Variants in CALD1 observed in about 807,000 individuals in gnomAD.
The protein encoded by CALD1 is caldesmon 1.
A neutral mutation model predicts 99.9 loss-of-function variants in CALD1; 33 were observed. The ratio of observed to expected loss-of-function variants is 0.33; its 90% confidence interval spans 0.25 to 0.44. The LOEUF (loss-of-function observed/expected upper bound fraction) is 0.44, where lower values mean the gene tolerates loss of function less well. CALD1 is among the 20% of genes least tolerant of loss of function. The pLI, the probability that CALD1 is intolerant of heterozygous loss-of-function variation, is 1.00. For missense variants in CALD1, 861 were observed against 962.1 expected (o/e 0.89, Z 1.39); for synonymous variants, 310 against 325.0 (o/e 0.95, Z 0.50).
At chr7:134,711,660 C>CTCTCTA in the CALD1 span, among the ~76,000 whole-genome samples, 269 of 78,176 alleles carry the variant, frequency 3.4e-3, 2 homozygotes, top group Middle Eastern at 0.011. Context: ...CTCTCTCTCT[C>CTCTCTA]TATATATATA....
chr7:134,797,107 C>G (rs28452695), intron 1 of CALD1, among the ~76,000 whole-genome samples: 6,483 of 152,172 alleles, frequency 0.043, 446 homozygotes, highest in African/African-American at 0.14. Context: ...TCACGGTAGC[C>G]TCAGCCTCCC....
At chr7:134,869,746 G>T (rs868168815) in intron 3 of CALD1, among the ~76,000 whole-genome samples, 5 of 152,152 alleles carry the variant, frequency 3.3e-5, no homozygotes, top group Non-Finnish European at 7.3e-5. Flanking sequence ...GTTCAAAAAG[G>T]GAGAGAAATT....
intron 3 of CALD1, among the ~76,000 whole-genome samples, chr7:134,911,638 A>AT (rs1401936758): frequency 6.6e-6 from 1 of 152,140 alleles, no homozygotes; most frequent in Non-Finnish European, 1.5e-5. Context: ...TGGCCTTTCC[A>AT]TGTTCTGATT....
chr7:134,865,368 C>T (rs3800748), intron 2 of CALD1, among the ~76,000 whole-genome samples: 31,442 of 151,826 alleles, frequency 0.21, 4,086 homozygotes, highest in African/African-American at 0.37. Context: ...CACACACCAC[C>T]GAGAGTCATA....
At chr7:134,841,224 T>C (rs1219683159) in intron 1 of CALD1, among the ~76,000 whole-genome samples, 1 of 152,218 alleles carries the variant, frequency 6.6e-6, no homozygotes, top group Non-Finnish European at 1.5e-5. Flanking sequence ...AATTCACTTG[T>C]TAGTATTTAT....
intron 1 of CALD1, among the ~76,000 whole-genome samples, chr7:134,833,559 G>C (rs2132090867): frequency 6.6e-6 from 1 of 152,240 alleles, no homozygotes; most frequent in Admixed American, 6.5e-5. Flanking sequence ...GTGTAGCCCT[G>C]GGAAGAAGGG....
intron 1 of CALD1, among the ~76,000 whole-genome samples, chr7:134,774,065 G>A (rs532440065): frequency 5.9e-5 from 9 of 152,136 alleles, no homozygotes; most frequent in African/African-American, 1.9e-4. Flanking sequence ...AGCTACTTGG[G>A]AGGGTGAGGC....
chr7:134,895,829 A>G (rs1181715023), intron 3 of CALD1, among the ~76,000 whole-genome samples: 1 of 152,184 alleles, frequency 6.6e-6, no homozygotes, highest in African/African-American at 2.4e-5. Flanking sequence ...TCTTGATTTC[A>G]AAGTTTAACT....
chr7:134,958,191 A>G lies in CALD1; in HGVS notation c.1980-18A>G. On this transcript the variant is annotated intron_variant, in intron 10 of 14. Coordinates refer to ENST00000361675, the MANE Select transcript of CALD1 (RefSeq NM_033138.4). ...GATTCTCTCTCATATTTTTATATGTATGTGTTTACTTTTTTAGCAGTGGTG... is the reference window on the plus strand; with the variant it reads ...GATTCTCTCTCATATTTTTATATGTGTGTGTTTACTTTTTTAGCAGTGGTG... The G allele has an allele frequency of 6.2e-7, 1 of 1,612,522 alleles. No individual in the cohort carries two copies. The highest frequency in any genetic ancestry group is 8.5e-7 in the Non-Finnish European group (1 of 1,178,626).
chr7:134,917,640 A>G (rs1283258696), intron 3 of CALD1, among the ~76,000 whole-genome samples: 5 of 152,190 alleles, frequency 3.3e-5, no homozygotes, highest in Non-Finnish European at 7.4e-5. Flanking sequence ...ATGAGCCAGC[A>G]CACCAGGCCT....
chr7:134,943,151 GGA>G (rs959234145), intron 7 of CALD1, among the ~76,000 whole-genome samples: 11 of 152,270 alleles, frequency 7.2e-5, no homozygotes, highest in Admixed American at 6.5e-4. Flanking sequence ...TATAAAATGA[GGA>G]GAGAGGAAGA....
chr7:134,840,803 AC>A (rs1799620737), intron 1 of CALD1, among the ~76,000 whole-genome samples: 1 of 152,240 alleles, frequency 6.6e-6, no homozygotes, highest in Admixed American at 6.5e-5. Flanking sequence ...ATAATAAAAA[AC>A]AACTAGTTTC....
At chr7:134,808,277 T>A (rs1798225717) in intron 1 of CALD1, among the ~76,000 whole-genome samples, 1 of 151,276 alleles carries the variant, frequency 6.6e-6, no homozygotes, top group African/African-American at 2.4e-5. Flanking sequence ...ATTTTTTTTT[T>A]AATTACTTTT....
chr7:134,959,228 T>C (rs1431826615), intron 11 of CALD1, among the ~76,000 whole-genome samples: 1 of 152,098 alleles, frequency 6.6e-6, no homozygotes, highest in Non-Finnish European at 1.5e-5. Context: ...TTGCCCAAGC[T>C]AGAGTGCAAT....
chr7:134,932,968 T>G lies in CALD1; in HGVS notation c.219-20T>G, dbSNP rs550549442. The G allele has an allele frequency of 3.5e-5, 54 of 1,541,992 alleles. No individual in the cohort carries two copies. Among genetic ancestry groups the G allele is most frequent in the Middle Eastern group, 3.5e-4 (2 of 5,796 alleles). ...ATGAATGAGCAAGCTGTCTTTGGTG[T>G]TGTTCTTTCTGTTGTACAGTGTGCC... On this transcript the variant is annotated intron_variant, in intron 4 of 14. Coordinates refer to ENST00000361675, the MANE Select transcript of CALD1 (RefSeq NM_033138.4).
upstream of CALD1, among the ~76,000 whole-genome samples, chr7:134,774,873 A>G (rs1562993442): frequency 6.6e-6 from 1 of 152,144 alleles, no homozygotes; most frequent in Non-Finnish European, 1.5e-5. Context: ...GGATTTATTT[A>G]TGATTTTTTT....
intron 1 of CALD1, among the ~76,000 whole-genome samples, chr7:134,780,722 T>C (rs950774201): frequency 6.6e-6 from 1 of 152,060 alleles, no homozygotes; most frequent in African/African-American, 2.4e-5. Context: ...TCAAAAAAAG[T>C]GGATGAGAAC....
intron 2 of CALD1, among the ~76,000 whole-genome samples, chr7:134,866,664 T>C (rs1313938173): frequency 6.6e-6 from 1 of 152,168 alleles, no homozygotes; most frequent in Admixed American, 6.5e-5. Context: ...CAGCTCCTTA[T>C]TTTTTCACAC....
At chr7:134,788,424 A>G (rs1293510191) in intron 1 of CALD1, among the ~76,000 whole-genome samples, 2 of 152,188 alleles carry the variant, frequency 1.3e-5, no homozygotes, top group Non-Finnish European at 2.9e-5. Context: ...TCACCCAAGA[A>G]CTTGTTGCTA....
Sources: gnomAD v4.1 joint callset for allele counts (sites outside exome capture counted in the v4.1 genomes callset) on GRCh38, gnomAD v4.1.1 for gene constraint, MANE v1.5 for transcripts, NCBI Gene and HGNC (gene_info 2026-07-23, HGNC 2026-07-21) for gene names.